The following SYNPR variants were observed in gnomAD, a reference collection of about 807,000 sequenced individuals.
SYNPR encodes synaptoporin.
A neutral mutation model predicts 32.9 loss-of-function variants in SYNPR; 23 were observed. The ratio of observed to expected loss-of-function variants is 0.70; its 90% confidence interval spans 0.50 to 0.99. The LOEUF (loss-of-function observed/expected upper bound fraction) is 0.99. Ranked by LOEUF, SYNPR falls within the 50% of genes least tolerant of loss-of-function variation. SYNPR has a pLI of 0.00. For synonymous variants in SYNPR, 146 were observed against 135.9 expected (o/e 1.07, Z -0.52); for missense variants, 318 against 349.3 (o/e 0.91, Z 0.71).
chr3:63,543,166 G>A (rs1415986677), intron 3 of SYNPR, among the ~76,000 whole-genome samples: 1 of 139,024 alleles, frequency 7.2e-6, no homozygotes, highest in East Asian at 2.2e-4. Flanking sequence ...ATACACTTGT[G>A]AGAAAGTGAG....
chr3:63,372,698 C>A (rs1436391736), intron 2 of SYNPR, among the ~76,000 whole-genome samples: 1 of 152,180 alleles, frequency 6.6e-6, no homozygotes, highest in East Asian at 1.9e-4. Flanking sequence ...CTGCCACAAC[C>A]ACTGCCAAGA....
At chr3:63,408,287 GGAAGGAAGGA>G in intron 2 of SYNPR, among the ~76,000 whole-genome samples, 1 of 53,384 alleles carries the variant, frequency 1.9e-5, no homozygotes, top group African/African-American at 1.2e-4. Flanking sequence ...GAGGAAGGAA[GGAAGGAAGGA>G]AGGAAGGAAG....
intron 2 of SYNPR, among the ~76,000 whole-genome samples, chr3:63,284,533 C>T (rs1319998448): frequency 6.6e-6 from 1 of 152,152 alleles, no homozygotes; most frequent in Non-Finnish European, 1.5e-5. Context: ...TCCAGCCTAC[C>T]TCCCTGCCTA....
At chr3:63,441,567 G>A (rs11707206) in intron 2 of SYNPR, among the ~76,000 whole-genome samples, 46,118 of 151,976 alleles carry the variant, frequency 0.3, 7,399 homozygotes, top group Admixed American at 0.4. Context: ...CTTAAATGCC[G>A]GGTGATTCTA....
At chr3:63,303,692 TCTGA>T (rs972002564) in intron 2 of SYNPR, among the ~76,000 whole-genome samples, 2 of 152,046 alleles carry the variant, frequency 1.3e-5, no homozygotes, top group African/African-American at 2.4e-5. Context: ...ATAGATTTAT[TCTGA>T]CTATGAAATT....
chr3:63,308,380 T>A (rs1053004065), intron 2 of SYNPR, among the ~76,000 whole-genome samples: 1 of 152,022 alleles, frequency 6.6e-6, no homozygotes, highest in African/African-American at 2.4e-5. Flanking sequence ...ATAATTGACA[T>A]AATAAATTAC....
At chr3:63,402,106 GC>G (rs1430234473) in intron 2 of SYNPR, among the ~76,000 whole-genome samples, 2 of 152,138 alleles carry the variant, frequency 1.3e-5, no homozygotes, top group Non-Finnish European at 2.9e-5. Context: ...GAGGAAGGAG[GC>G]CCTGCAGCCA....
intron 4 of SYNPR, among the ~76,000 whole-genome samples, chr3:63,592,448 C>G (rs1048152487): frequency 9.9e-5 from 15 of 151,846 alleles, no homozygotes; most frequent in Non-Finnish European, 1.5e-5. Context: ...GACAAAAAAA[C>G]TGAGGATACA....
At chr3:63,400,344 A>G (rs1575625180) in intron 2 of SYNPR, among the ~76,000 whole-genome samples, 1 of 152,234 alleles carries the variant, frequency 6.6e-6, no homozygotes, top group East Asian at 1.9e-4. Context: ...GGGAGGGTCT[A>G]ATATGAGTTT....
At chr3:63,511,085 G>A (rs1234614215) in intron 3 of SYNPR, among the ~76,000 whole-genome samples, 1 of 152,016 alleles carries the variant, frequency 6.6e-6, no homozygotes, top group African/African-American at 2.4e-5. Flanking sequence ...TAAAAATCTG[G>A]GTAGTTAATA....
At chr3:63,452,272 T>C (rs544376694) in intron 2 of SYNPR, among the ~76,000 whole-genome samples, 1 of 152,326 alleles carries the variant, frequency 6.6e-6, no homozygotes, top group South Asian at 2.1e-4. Flanking sequence ...ACTTGCAATC[T>C]AGTCGGGGGG....
intron 2 of SYNPR, among the ~76,000 whole-genome samples, chr3:63,382,184 G>C (rs909059701): frequency 6.6e-6 from 1 of 152,204 alleles, no homozygotes; most frequent in African/African-American, 2.4e-5. Context: ...AACTCCAGCA[G>C]GAGGGGTGCC....
intron 2 of SYNPR, among the ~76,000 whole-genome samples, chr3:63,478,923 A>G (rs1376012598): frequency 1.3e-5 from 2 of 152,118 alleles, no homozygotes; most frequent in Non-Finnish European, 2.9e-5. Flanking sequence ...CATTAAAATC[A>G]CCTTCTCTTT....
chr3:63,412,893 T>C (rs748046457), intron 2 of SYNPR, among the ~76,000 whole-genome samples: 7 of 152,176 alleles, frequency 4.6e-5, no homozygotes, highest in Non-Finnish European at 7.4e-5. Flanking sequence ...TAGATAACTC[T>C]GCTGGAGTCG....
upstream of SYNPR, among the ~76,000 whole-genome samples, chr3:63,277,886 A>G (rs2086591677): frequency 6.6e-6 from 1 of 152,156 alleles, no homozygotes; most frequent in Admixed American, 6.5e-5. Context: ...CTGCCTGCCC[A>G]CAGGAAGGAT....
intron 4 of SYNPR, among the ~76,000 whole-genome samples, chr3:63,598,230 T>C (rs1183046022): frequency 6.6e-6 from 1 of 152,232 alleles, no homozygotes; most frequent in Non-Finnish European, 1.5e-5. Flanking sequence ...TGTGCCACTA[T>C]TAGAAAGAGA....
chr3:63,452,277 G>A (rs1223555064), intron 2 of SYNPR, among the ~76,000 whole-genome samples: 5 of 152,118 alleles, frequency 3.3e-5, no homozygotes, highest in Admixed American at 1.3e-4. Context: ...CAATCTAGTC[G>A]GGGGGACAGG....
chr3:63,388,111 G>T (rs539923530), intron 2 of SYNPR, among the ~76,000 whole-genome samples: 1 of 152,200 alleles, frequency 6.6e-6, no homozygotes, highest in South Asian at 2.1e-4. Flanking sequence ...CTGAACTTGG[G>T]TACCCATTAT....
upstream of SYNPR, among the ~76,000 whole-genome samples, chr3:63,225,003 C>T (rs962259574): frequency 1.3e-5 from 2 of 152,176 alleles, no homozygotes; most frequent in African/African-American, 4.8e-5. Flanking sequence ...CTATTGATCC[C>T]TTGGCATGAG....
Sources: allele counts gnomAD v4.1 joint callset (sites outside exome capture counted in the v4.1 genomes callset), GRCh38; gene constraint gnomAD v4.1.1; transcripts MANE v1.5; gene names NCBI Gene and HGNC (gene_info 2026-07-23, HGNC 2026-07-21).